MKNK2: variants seen among roughly 807,000 people sequenced by gnomAD.
MKNK2 encodes the protein MAP kinase-interacting serine/threonine-protein kinase 2.
MKNK2 carries 54 observed loss-of-function variants against 55.0 expected under a neutral mutation model. The observed-to-expected ratio is 0.98, with a 90% CI of 0.79 to 1.23. The LOEUF (loss-of-function observed/expected upper bound fraction) is 1.23, where lower values mean the gene tolerates loss of function less well. Ranked by LOEUF, MKNK2 falls within the 50% of genes most tolerant of loss-of-function variation. MKNK2 has a pLI of 0.00. For missense variants in MKNK2, 685 were observed against 632.1 expected (o/e 1.08, Z -0.90); for synonymous variants, 323 against 256.0 (o/e 1.26, Z -2.50).
chr19:2,038,960 G>A lies in MKNK2; in HGVS notation c.*653C>T, dbSNP rs946511310. 3.0e-6 allele frequency: 3 copies of A among 985,734 alleles called. No individual in the cohort carries two copies. Among genetic ancestry groups the A allele is most frequent in the African/African-American group, 1.7e-5 (1 of 57,218 alleles). The allele number at this position is 985,734 out of a possible 1,614,324, so 61.1% of individuals were successfully genotyped here. A position where few individuals can be genotyped will look rare whatever the true frequency, so the allele number is the denominator to read the frequency against. On this transcript the variant is annotated 3_prime_UTR_variant, in exon 14 of 14. Coordinates refer to ENST00000250896, the MANE Select transcript of MKNK2 (RefSeq NM_199054.3). The stretch of plus-strand genomic sequence containing the variant: ...GACAGACAGACGGGCCTTGCAGGAA[G>A]CCCCGATTGTCAACTATCATGGGGA...
intron 1 of MKNK2, 73 bp from the exon 2 acceptor site, chr19:2,051,020 G>A: frequency 5.1e-6 from 2 of 393,542 alleles, no homozygotes; most frequent in Non-Finnish European, 8.8e-6. Flanking sequence ...CCGGGCGGGG[G>A]CGGCGAGGGC....
chr19:2,040,087 C>A, intron 13 of MKNK2, 47 bp downstream of exon 13: 1 of 1,550,138 alleles, frequency 6.5e-7, no homozygotes, highest in Non-Finnish European at 8.8e-7. Context: ...AACCTGGAAA[C>A]CCCGCCCCCT....
intron 12 of MKNK2, chr19:2,040,785 G>T: frequency 1.9e-6 from 1 of 534,860 alleles, no homozygotes; most frequent in Admixed American, 3.4e-5. Context: ...TGCAGGCTGT[G>T]GGTCCCCACC....
At position 2,038,460 on chromosome 19, in the gene MKNK2, G is replaced by T. The variant is rs12151339; in HGVS notation, c.*1153C>A. 1.4e-3 allele frequency: 1,391 copies of T among 985,276 alleles called. 17 individuals carry two copies. The African/African-American group carries it at 0.023, about 16-fold the overall frequency. 61.0% of individuals were successfully genotyped at this position (985,276 alleles called of 1,614,324 possible). ...GGGGGCAGCAGGCTCCGCAGCCCCC[G>T]GGGGTTGGAGCATGGAGGGTGGGGG... On this transcript the variant is annotated 3_prime_UTR_variant, in exon 14 of 14. Transcript: ENST00000250896.
At chr19:2,041,321 C>G (rs117268071) in intron 11 of MKNK2, 117 bp from the exon 12 acceptor site, 1 of 1,043,526 alleles carries the variant, frequency 9.6e-7, no homozygotes, top group Admixed American at 2.5e-5. Context: ...AGACCACGCA[C>G]GCCTGGGGCA....
Position 2,050,867 on chromosome 19 carries a change from C to G in MKNK2, c.-16G>C. 3 of 1,513,520 alleles carry G rather than the reference C, an allele frequency of 2.0e-6. No homozygotes were observed. Among genetic ancestry groups the G allele is most frequent in the Non-Finnish European group, 2.7e-6 (3 of 1,131,468 alleles). 93.8% of individuals were successfully genotyped at this position (1,513,520 alleles called of 1,614,324 possible). A position where few individuals can be genotyped will look rare whatever the true frequency, so the allele number is the denominator to read the frequency against. On this transcript the variant is annotated 5_prime_UTR_variant, in exon 2 of 14. Coordinates refer to ENST00000250896, the MANE Select transcript of MKNK2 (RefSeq NM_199054.3). ...TCTGCACCATCTTCTGTCCGGGCCCCGCCAGCGGGGGAGGGGACCGAGGGC... is the reference window on the plus strand; with the variant it reads ...TCTGCACCATCTTCTGTCCGGGCCCGGCCAGCGGGGGAGGGGACCGAGGGC...
intron 2 of MKNK2, among the ~76,000 whole-genome samples, chr19:2,047,487 G>A (rs2017024817): frequency 6.6e-6 from 1 of 152,176 alleles, no homozygotes; most frequent in Non-Finnish European, 1.5e-5. Context: ...AGTCACCGTG[G>A]GGCCCAAGCC....
chr19:2,041,790 G>C, intron 11 of MKNK2, 50 bp downstream of exon 11: 1 of 1,442,166 alleles, frequency 6.9e-7, no homozygotes, highest in Non-Finnish European at 9.2e-7. Flanking sequence ...TTCAGGGCAG[G>C]CCCGGGGGAG....
chr19:2,050,424 A>ACC (rs2017089482), intron 2 of MKNK2, among the ~76,000 whole-genome samples: 1 of 152,100 alleles, frequency 6.6e-6, no homozygotes, highest in Non-Finnish European at 1.5e-5. Context: ...TGCAGGGGAC[A>ACC]CCCCCCATAA....
At position 2,038,194 on chromosome 19, in the gene MKNK2, C is replaced by A. The variant is rs553768710; in HGVS notation, c.*1419G>T. The A allele has an allele frequency of 9.9e-7, 1 of 1,011,022 alleles. No homozygotes were observed. The highest frequency in any genetic ancestry group is 9.2e-5 in the East Asian group (1 of 10,816). The allele number at this position is 1,011,022 out of a possible 1,614,324, so 62.6% of individuals were successfully genotyped here. A position where few individuals can be genotyped will look rare whatever the true frequency, so the allele number is the denominator to read the frequency against. ...CTCCGAGGCCCCCACCCCCAGGCCC[C>A]CCGACATTCAAGTATTCTTCAAGAA... On this transcript the variant is annotated 3_prime_UTR_variant, in exon 14 of 14. Coordinates refer to ENST00000250896, the MANE Select transcript of MKNK2 (RefSeq NM_199054.3).
chr19:2,038,031 A>ACC lies in MKNK2; in HGVS notation c.*1580_*1581dup, dbSNP rs998994019. 26 of 1,285,332 alleles carry ACC rather than the reference A, an allele frequency of 2.0e-5. No homozygotes were observed. The highest frequency in any genetic ancestry group is 2.0e-4 in the African/African-American group (13 of 65,268). 79.6% of individuals were successfully genotyped at this position (1,285,332 alleles called of 1,614,324 possible). ...GGGAAAGGGGTGGGCGGAATGCCCCACCCCCCCCAGGGGTCTTTGGAAGGG... is the reference window on the plus strand; with the variant it reads ...GGGAAAGGGGTGGGCGGAATGCCCCACCCCCCCCCCAGGGGTCTTTGGAAGGG... On this transcript the variant is annotated 3_prime_UTR_variant, in exon 14 of 14. Transcript: ENST00000250896.
In MKNK2 at chr19:2,040,175, G is replaced by A. The variant is rs151333805; in HGVS notation, c.1113C>T (p.Cys371=). 245 of 1,581,094 alleles carry A rather than the reference G, an allele frequency of 1.5e-4. 1 individual carries two copies. In the African/African-American group the frequency reaches 2.2e-3, roughly 14 times the overall value. Residue 371 remains cysteine (C), a splice_region_variant and synonymous_variant, in exon 13 of 14, where the codon TGC becomes TGT. Coordinates refer to ENST00000250896, the MANE Select transcript of MKNK2 (RefSeq NM_199054.3). ...GAGTGGGCAAGGTGTTCTCCGGGGC[G>A]CACTGCAACGAGAGTGGGCGGGGGC... ...QVLQHPWVQG[C]APENTLPTPM...
intron 12 of MKNK2, chr19:2,040,714 A>T (rs544296015): frequency 8.8e-5 from 34 of 387,700 alleles, no homozygotes; most frequent in African/African-American, 6.9e-4. Flanking sequence ...CTTGAGACTG[A>T]CGGCAGGCTA....
Position 2,037,850 on chromosome 19 carries a change from AC to A in MKNK2, c.*1762del, listed in dbSNP as rs778790813. The A allele has an allele frequency of 1.0e-4, 161 of 1,548,808 alleles. No homozygotes were observed. Among genetic ancestry groups the A allele is most frequent in the African/African-American group, 4.8e-4 (32 of 66,428 alleles). ...CCCACCTTCAGAAAAAAAAAAAAAA[AC>A]AAACAAACAAACGCTGCTAGCCACT... On this transcript the variant is annotated 3_prime_UTR_variant, in exon 14 of 14. Transcript: ENST00000250896.
Position 2,039,319 on chromosome 19 carries a change from G to A in MKNK2, c.*294C>T. The A allele has an allele frequency of 7.7e-7, 1 of 1,298,842 alleles. No individual in the cohort carries two copies. Among genetic ancestry groups the A allele is most frequent in the Non-Finnish European group, 9.8e-7 (1 of 1,019,482 alleles). 80.5% of individuals were successfully genotyped at this position (1,298,842 alleles called of 1,614,324 possible). Reference sequence around the variant, plus strand: ...GGCACCTTCATAGTAGAGGTGAGCAGGGCGGGGGACCGGGGAGGGGACAAG... The same window carrying A: ...GGCACCTTCATAGTAGAGGTGAGCAAGGCGGGGGACCGGGGAGGGGACAAG... On this transcript the variant is annotated 3_prime_UTR_variant, in exon 14 of 14. Transcript: ENST00000250896.
At position 2,039,125 on chromosome 19, in the gene MKNK2, G is replaced by A. The variant is rs1221593081; in HGVS notation, c.*488C>T. 2.0e-6 allele frequency: 2 copies of A among 989,444 alleles called. No individual in the cohort carries two copies. Among genetic ancestry groups the A allele is most frequent in the Non-Finnish European group, 2.4e-6 (2 of 832,378 alleles). 61.3% of individuals were successfully genotyped at this position (989,444 alleles called of 1,614,324 possible). A position where few individuals can be genotyped will look rare whatever the true frequency, so the allele number is the denominator to read the frequency against. ...GCCACCAGGGGTGCTCTCAGGGTGA[G>A]GGATAGAGGGGAAGAGCCTGTCCCT... is the stretch of plus-strand genomic sequence containing the variant. On this transcript the variant is annotated 3_prime_UTR_variant, in exon 14 of 14. Transcript: ENST00000250896.
In MKNK2 at chr19:2,039,604, A is replaced by G; in HGVS notation, c.*9T>C. The G allele has an allele frequency of 6.2e-7, 1 of 1,607,314 alleles. No individual in the cohort carries two copies. ...CGGGTGACCTATGTACAGAGGGGAG[A>G]TGGGAGGGTCAGGCGTGGTCTCCCA... On this transcript the variant is annotated 3_prime_UTR_variant, in exon 14 of 14. Transcript: ENST00000250896.
intron 10 of MKNK2, 170 bp downstream of exon 10, chr19:2,042,257 G>A (rs565540648): frequency 5.4e-6 from 4 of 743,156 alleles, no homozygotes; most frequent in African/African-American, 1.8e-5. Flanking sequence ...CGACGCGTTG[G>A]GGCGCCTGCT....
intron 12 of MKNK2, 108 bp from the exon 13 acceptor site, chr19:2,040,285 C>T: frequency 9.9e-7 from 1 of 1,010,826 alleles, no homozygotes; most frequent in Non-Finnish European, 1.4e-6. Context: ...TCACCAGGAC[C>T]CCACCGGAGA....
Sources: gnomAD v4.1 joint callset for allele counts (sites outside exome capture counted in the v4.1 genomes callset) on GRCh38, gnomAD v4.1.1 for gene constraint, MANE v1.5 for transcripts, NCBI Gene and HGNC (gene_info 2026-07-23, HGNC 2026-07-21) for gene names.